Variants in TDRD12 observed in about 807,000 individuals in gnomAD.
TDRD12 encodes putative ATP-dependent RNA helicase TDRD12.
A neutral mutation model predicts 133.5 loss-of-function variants in TDRD12; 158 were observed. That is an observed-to-expected ratio of 1.18 (90% confidence interval 1.04 to 1.35). The LOEUF (loss-of-function observed/expected upper bound fraction) is 1.35, where lower values mean the gene tolerates loss of function less well. Ranked by LOEUF, TDRD12 falls within the 40% of genes most tolerant of loss-of-function variation. The pLI, the probability that TDRD12 is intolerant of heterozygous loss-of-function variation, is 0.00. For missense variants in TDRD12, 1,443 were observed against 1,321.3 expected, an observed-to-expected ratio of 1.09 and a Z score of -1.43; for synonymous variants, 460 against 477.9, an observed-to-expected ratio of 0.96 and a Z score of 0.49.
At chr19:32,806,774 C>T (rs1012277909) in intron 21 of TDRD12, among the ~76,000 whole-genome samples, 3 of 152,192 alleles carry the variant, frequency 2.0e-5, no homozygotes, top group Non-Finnish European at 2.9e-5. Context: ...TCTCCTGCAT[C>T]AGCCTCCTGA....
At chr19:32,805,420 A>G (rs962979981) in intron 21 of TDRD12, among the ~76,000 whole-genome samples, 3 of 151,726 alleles carry the variant, frequency 2.0e-5, no homozygotes, top group Non-Finnish European at 4.4e-5. Context: ...TATGTGTGTA[A>G]TATGAGATCT....
Position 32,811,428 on chromosome 19 carries a change from AT to A in TDRD12, c.3048+12del. 6.5e-7 allele frequency: 1 copy of A among 1,535,522 alleles called. No individual in the cohort carries two copies. Among genetic ancestry groups the A allele is most frequent in the East Asian group, 2.4e-5 (1 of 40,912 alleles). On this transcript the variant is annotated intron_variant, in intron 24 of 27. Transcript: ENST00000444215. ...ATAGAATGGAATCCGAAGGTGGGTG[AT>A]TTTGGCTTTTTATCTATTGTTGACT...
At chr19:32,758,288 C>T (rs991128551) in intron 8 of TDRD12, among the ~76,000 whole-genome samples, 3 of 152,040 alleles carry the variant, frequency 2.0e-5, no homozygotes, top group Non-Finnish European at 4.4e-5. Flanking sequence ...TTTATGGACT[C>T]AGAATGGGGA....
chr19:32,733,429 C>G (rs555221303), intron 2 of TDRD12, among the ~76,000 whole-genome samples: 1 of 150,226 alleles, frequency 6.7e-6, no homozygotes, highest in Non-Finnish European at 1.5e-5. Flanking sequence ...GAGATCACGC[C>G]ATTGCACTCC....
chr19:32,728,978 G>A (rs563878998), intron 1 of TDRD12, among the ~76,000 whole-genome samples: 23 of 150,346 alleles, frequency 1.5e-4, no homozygotes, highest in African/African-American at 2.9e-4. Context: ...TGAAATTTAC[G>A]TTTTCCACAG....
At chr19:32,736,807 A>T (rs1224194828) in intron 2 of TDRD12, among the ~76,000 whole-genome samples, 2 of 152,204 alleles carry the variant, frequency 1.3e-5, no homozygotes, top group African/African-American at 4.8e-5. Context: ...GTGGCCTGGC[A>T]GTCCTGTGGT....
intron 2 of TDRD12, among the ~76,000 whole-genome samples, chr19:32,735,961 C>T (rs2145450345): frequency 6.6e-6 from 1 of 152,192 alleles, no homozygotes; most frequent in South Asian, 2.1e-4. Context: ...CAGAGAGAGA[C>T]TCCATCTTAA....
chr19:32,740,153 C>T (rs1203460519), intron 3 of TDRD12, among the ~76,000 whole-genome samples: 1 of 138,582 alleles, frequency 7.2e-6, no homozygotes, highest in East Asian at 2.3e-4. Flanking sequence ...TCTGCATCTC[C>T]TGGGTACTCT....
intron 4 of TDRD12, among the ~76,000 whole-genome samples, chr19:32,744,499 C>CAAAAAAA (rs10644749): frequency 8.1e-4 from 31 of 38,086 alleles, no homozygotes; most frequent in Admixed American, 1.4e-3. Flanking sequence ...GACTCCGTCT[C>CAAAAAAA]AAAAAAAAAA....
intron 8 of TDRD12, among the ~76,000 whole-genome samples, chr19:32,768,667 C>T (rs1469044405): frequency 1.3e-5 from 2 of 151,968 alleles, no homozygotes; most frequent in African/African-American, 4.8e-5. Context: ...CACGCTGAGA[C>T]CTTTCTTTGG....
At chr19:32,774,344 G>A (rs1227574232) in intron 10 of TDRD12, among the ~76,000 whole-genome samples, 3 of 151,996 alleles carry the variant, frequency 2.0e-5, no homozygotes, top group African/African-American at 4.8e-5. Context: ...GGTTGCATTG[G>A]TGTTCTTTAC....
intron 8 of TDRD12, among the ~76,000 whole-genome samples, chr19:32,769,233 T>C (rs1002033874): frequency 6.6e-6 from 1 of 152,252 alleles, no homozygotes; most frequent in African/African-American, 2.4e-5. Flanking sequence ...CTATATTTTC[T>C]ACTTTTGGCT....
chr19:32,799,482 A>C (rs1013726075), intron 16 of TDRD12, among the ~76,000 whole-genome samples: 5 of 152,142 alleles, frequency 3.3e-5, no homozygotes, highest in Non-Finnish European at 7.3e-5. Flanking sequence ...TAGGTTGAAC[A>C]TTAATTCGTA....
chr19:32,756,745 A>T (rs914798383), intron 7 of TDRD12, among the ~76,000 whole-genome samples: 4 of 152,186 alleles, frequency 2.6e-5, no homozygotes. Context: ...CAATTTAGAG[A>T]TACTAAGAAA....
chr19:32,792,770 CTAAGT>C (rs1397231074), intron 13 of TDRD12, among the ~76,000 whole-genome samples: 1 of 152,188 alleles, frequency 6.6e-6, no homozygotes, highest in Non-Finnish European at 1.5e-5. Context: ...TCTGAAGCAT[CTAAGT>C]TGAGGGAATC....
intron 8 of TDRD12, among the ~76,000 whole-genome samples, chr19:32,763,397 T>C (rs1032756047): frequency 6.6e-6 from 1 of 152,104 alleles, no homozygotes; most frequent in African/African-American, 2.4e-5. Context: ...ATCCCTCACC[T>C]CTCACCTTAT....
chr19:32,801,812 C>T, exon 19 of TDRD12: 1 of 1,475,644 alleles, frequency 6.8e-7, no homozygotes, highest in Non-Finnish European at 9.1e-7. Flanking sequence ...TGATTTTTAA[C>T]TTACAAAATG....
chr19:32,829,428 A>G (rs926341675), downstream of TDRD12: 3 of 152,268 alleles, frequency 2.0e-5, no homozygotes, highest in African/African-American at 4.8e-5. Flanking sequence ...CTGTACTGCT[A>G]TGAATATGTC....
chr19:32,796,295 A>C, intron 14 of TDRD12: 3 of 670,914 alleles, frequency 4.5e-6, no homozygotes, highest in Non-Finnish European at 5.5e-6. Context: ...CCCTTTAGAA[A>C]GTTGCATCTG....
Sources: gnomAD v4.1 joint callset for allele counts (sites outside exome capture counted in the v4.1 genomes callset) on GRCh38, gnomAD v4.1.1 for gene constraint, MANE v1.5 for transcripts, NCBI Gene and HGNC (gene_info 2026-07-23, HGNC 2026-07-21) for gene names.